CDON: variants seen among roughly 807,000 people sequenced by gnomAD.
CDON encodes cell adhesion associated, oncogene regulated.
Under a neutral mutation model 120.9 loss-of-function variants are expected in CDON, and 73 were observed. That is an observed-to-expected ratio of 0.60 (90% CI 0.50 to 0.73). CDON has a LOEUF of 0.73. Among genes scored for constraint, CDON ranks in the 30% least tolerant of loss-of-function variants. CDON has a pLI of 0.00. For missense variants in CDON, 1,470 were observed against 1,587.3 expected (o/e 0.93, Z 1.26); for synonymous variants, 566 against 573.5 (o/e 0.99, Z 0.19).
At chr11:126,009,202 C>T (rs973089008) in intron 8 of CDON, among the ~76,000 whole-genome samples, 9 of 152,208 alleles carry the variant, frequency 5.9e-5, no homozygotes, top group African/African-American at 2.2e-4. Context: ...AGGGGAAGTC[C>T]CTGGTCTCCA....
intron 18 of CDON, among the ~76,000 whole-genome samples, chr11:125,967,770 G>A (rs974094285): frequency 6.6e-6 from 1 of 152,184 alleles, no homozygotes; most frequent in Admixed American, 6.5e-5. Context: ...CAGAGCAGCT[G>A]AGGCTATGAG....
intron 5 of CDON, among the ~76,000 whole-genome samples, chr11:126,017,793 A>G (rs1379643998): frequency 6.6e-6 from 1 of 152,014 alleles, no homozygotes. Context: ...TTGTTTGAAC[A>G]AAGGGCAAAA....
chr11:126,010,659 C>G lies in CDON; in HGVS notation c.1234G>C (p.Val412Leu), dbSNP rs1410111649. The G allele has an allele frequency of 6.2e-7, 1 of 1,614,164 alleles. No homozygotes were observed. The highest frequency in any genetic ancestry group is 8.5e-7 in the Non-Finnish European group (1 of 1,179,990). The change falls in exon 8 of 20, where the codon GTA (valine) becomes CTA (leucine). Residue 412 changes from valine (V) to leucine (L), a missense_variant. Transcript: ENST00000531738. ...GFKPVIITAP[V>L]SAKVADGDFV... ...TCTCCGTCTGCAACCTTTGCACTTACTGGTGCCGTAATTATAACTGGCTTG... is the reference window on the plus strand; with the variant it reads ...TCTCCGTCTGCAACCTTTGCACTTAGTGGTGCCGTAATTATAACTGGCTTG...
intron 7 of CDON, chr11:126,015,024 A>C (rs1947419445): frequency 1.7e-6 from 1 of 573,484 alleles, no homozygotes; most frequent in East Asian, 3.0e-5. Context: ...AATCTGTTGA[A>C]AATTTTTTAA....
At chr11:126,020,913 C>G (rs1166637214) in intron 3 of CDON, among the ~76,000 whole-genome samples, 1 of 152,022 alleles carries the variant, frequency 6.6e-6, no homozygotes, top group Non-Finnish European at 1.5e-5. Context: ...TCATGGATTT[C>G]CAAGCACTCA....
At chr11:126,008,653 G>A (rs978650133) in intron 8 of CDON, among the ~76,000 whole-genome samples, 6 of 151,966 alleles carry the variant, frequency 3.9e-5, no homozygotes, top group African/African-American at 1.5e-4. Flanking sequence ...TCACATAATC[G>A]CTTCAGCTAA....
intron 1 of CDON, among the ~76,000 whole-genome samples, chr11:126,061,146 TTG>T (rs1373925701): frequency 6.6e-6 from 1 of 152,204 alleles, no homozygotes. Flanking sequence ...CAGTATACAT[TTG>T]TGTGTTTCTT....
At position 126,045,700 on chromosome 11, in the gene CDON, G is replaced by A. The variant is rs766979236; in HGVS notation, c.-62+16879C>T. Among the ~76,000 whole-genome samples, 10 of 152,236 alleles carry A rather than the reference G, an allele frequency of 6.6e-5. 1 individual carries two copies. The highest frequency in any genetic ancestry group is 2.0e-4 in the Admixed American group (3 of 15,294). ...AAAGTCACACATTCGGCTGGGCACA[G>A]TGGCTCACCCCTGTAATCCCAGCAC... On this transcript the variant is annotated intron_variant, in intron 1 of 19. Transcript: ENST00000531738.
chr11:126,056,064 C>T (rs1461226470), intron 1 of CDON, among the ~76,000 whole-genome samples: 4 of 152,162 alleles, frequency 2.6e-5, no homozygotes, highest in Non-Finnish European at 2.9e-5. Context: ...TTCATGGAAC[C>T]TCAGTCCTAC....
At chr11:126,003,520 TAC>T (rs1947018271) in intron 10 of CDON, among the ~76,000 whole-genome samples, 1 of 152,188 alleles carries the variant, frequency 6.6e-6, no homozygotes, top group Admixed American at 6.5e-5. Context: ...TAGGAATTTC[TAC>T]TATCCAAAAG....
chr11:125,982,639 G>A (rs900238032), intron 16 of CDON, among the ~76,000 whole-genome samples: 2 of 152,282 alleles, frequency 1.3e-5, no homozygotes, highest in Non-Finnish European at 2.9e-5. Flanking sequence ...TACAGAAGAC[G>A]ATGATTATCT....
At chr11:126,018,888 G>A (rs576851030) in intron 4 of CDON, among the ~76,000 whole-genome samples, 2 of 152,230 alleles carry the variant, frequency 1.3e-5, no homozygotes, top group East Asian at 1.9e-4. Flanking sequence ...TTAGACATGA[G>A]ATTAGCGGTA....
chr11:126,042,085 T>C (rs921186915), intron 1 of CDON, among the ~76,000 whole-genome samples: 4 of 152,176 alleles, frequency 2.6e-5, no homozygotes, highest in Non-Finnish European at 4.4e-5. Flanking sequence ...TGTTTCTCCA[T>C]GTTGGTCAGG....
rs1415000535 is a variant in CDON at position 125,981,054 on chromosome 11, C to G, written c.3271G>C (p.Val1091Leu). 6.2e-7 allele frequency: 1 copy of G among 1,613,992 alleles called. No homozygotes were observed. The highest frequency in any genetic ancestry group is 1.3e-5 in the African/African-American group (1 of 74,908). ...TTTATAGTTAGGTCTCTTACATTCACTAGATGATGAGGATGTTCAAAATCC... is the reference window on the plus strand; with the variant it reads ...TTTATAGTTAGGTCTCTTACATTCAGTAGATGATGAGGATGTTCAAAATCC... ...HVDFEHPHHL[V>L]NGGGMYTAVP... Residue 1091 changes from valine to leucine, a missense_variant, in exon 17 of 20, where the codon GTG (valine) becomes CTG (leucine). Physicochemically the swap from Val to Leu is conservative, Grantham distance 32. Coordinates refer to ENST00000531738, the MANE Select transcript of CDON (RefSeq NM_001378964.1).
chr11:125,994,432 G>A (rs748231656), intron 13 of CDON, 43 bp from the exon 14 acceptor site: 3 of 1,020,546 alleles, frequency 2.9e-6, no homozygotes, highest in Admixed American at 1.7e-5. Context: ...AAAAATTAAT[G>A]TAACCTTCTC....
At chr11:126,018,551 G>A in intron 4 of CDON, 78 bp from the exon 5 acceptor site, 3 of 1,210,250 alleles carry the variant, frequency 2.5e-6, no homozygotes, top group South Asian at 2.4e-5. Flanking sequence ...CACAAAGGCT[G>A]ATCATTATGC....
chr11:125,983,749 GTATC>G, intron 16 of CDON, 119 bp downstream of exon 16: 1 of 763,398 alleles, frequency 1.3e-6, no homozygotes, highest in Middle Eastern at 3.6e-4. Flanking sequence ...TGAATGAAGA[GTATC>G]TAATGTGTTT....
rs762571384 is a variant in CDON at position 125,978,316 on chromosome 11, C to A, written c.3344G>T (p.Arg1115Leu). ...PLECVNCRNC[R>L]NNNRCFTKTN... is the part of the protein sequence containing the mutation. Reference sequence around the variant, plus strand: ...ATTATTAACATACCTATTGTTGTTTCGACAATTTCGGCAGTTAACACACTC... The same window carrying A: ...ATTATTAACATACCTATTGTTGTTTAGACAATTTCGGCAGTTAACACACTC... Residue 1115 changes from arginine to leucine, a missense_variant, in exon 18 of 20, where the codon CGA becomes CTA. Coordinates refer to ENST00000531738, the MANE Select transcript of CDON (RefSeq NM_001378964.1). 7 of 1,598,522 alleles carry A rather than the reference C, an allele frequency of 4.4e-6. No homozygotes were observed. The highest frequency in any genetic ancestry group is 6.0e-6 in the Non-Finnish European group (7 of 1,168,086).
chr11:126,061,371 A>G (rs570017674), intron 1 of CDON, among the ~76,000 whole-genome samples: 2 of 152,322 alleles, frequency 1.3e-5, no homozygotes, highest in Admixed American at 1.3e-4. Flanking sequence ...AAATTTCCAG[A>G]AAATTTTTTG....
Sources: gnomAD v4.1 joint callset for allele counts (sites outside exome capture counted in the v4.1 genomes callset) on GRCh38, gnomAD v4.1.1 for gene constraint, MANE v1.5 for transcripts, NCBI Gene and HGNC (gene_info 2026-07-23, HGNC 2026-07-21) for gene names.